The following MCC variants were observed in gnomAD, a reference collection of about 807,000 sequenced individuals.
MCC encodes the protein colorectal mutant cancer protein.
A neutral mutation model predicts 116.2 loss-of-function variants in MCC; 90 were observed. The ratio of observed to expected loss-of-function variants is 0.77; its 90% confidence interval spans 0.65 to 0.92. The LOEUF is 0.92. Ranked by LOEUF, MCC falls within the 40% of genes least tolerant of loss-of-function variation. MCC has a pLI of 0.00. For synonymous variants in MCC, 578 were observed against 510.5 expected, an observed-to-expected ratio of 1.13 and a Z score of -1.78; for missense variants, 1,516 against 1,312.2, an observed-to-expected ratio of 1.16 and a Z score of -2.40.
intron 1 of MCC, among the ~76,000 whole-genome samples, chr5:113,425,769 G>A (rs965005607): frequency 5.3e-5 from 8 of 151,982 alleles, no homozygotes; most frequent in Non-Finnish European, 1.0e-4. Flanking sequence ...GTGGACAGAC[G>A]AGTGTTGTTT....
chr5:113,028,244 CATA>C (rs1452566698), intron 18 of MCC, among the ~76,000 whole-genome samples: 1 of 152,196 alleles, frequency 6.6e-6, no homozygotes, highest in Non-Finnish European at 1.5e-5. Context: ...TATACATCCA[CATA>C]ATGTTGACTA....
chr5:113,196,912 C>G (rs1395361427), intron 3 of MCC, among the ~76,000 whole-genome samples: 1 of 152,168 alleles, frequency 6.6e-6, no homozygotes, highest in African/African-American at 2.4e-5. Context: ...GCCCTGTGAT[C>G]TGGAACCTCC....
intron 6 of MCC, among the ~76,000 whole-genome samples, chr5:113,114,418 C>G (rs1327992761): frequency 6.6e-6 from 1 of 152,150 alleles, no homozygotes; most frequent in Non-Finnish European, 1.5e-5. Context: ...TACACAGGCA[C>G]AAGTTGACAG....
chr5:113,224,346 G>A (rs1763658507), intron 3 of MCC, among the ~76,000 whole-genome samples: 1 of 152,216 alleles, frequency 6.6e-6, no homozygotes, highest in South Asian at 2.1e-4. Flanking sequence ...GCCCGTCTCG[G>A]CCTCCCAAAG....
At position 113,152,715 on chromosome 5, in the gene MCC, C is replaced by A. The variant is rs558204389; in HGVS notation, c.628-1293G>T. 6.2e-4 allele frequency among the ~76,000 whole-genome samples: 95 copies of A among 152,220 alleles called. 1 individual carries two copies. Among genetic ancestry groups the A allele is most frequent in the Non-Finnish European group, 1.1e-3 (75 of 68,020 alleles). On this transcript the variant is annotated intron_variant, in intron 3 of 18. Coordinates refer to ENST00000408903, the MANE Select transcript of MCC (RefSeq NM_001085377.2). ...GAGTGAGGGAGAAGCAGATATAAGG[C>A]AGAGTGTGGGGTTTCAAAGCAGTTG...
intron 2 of MCC, among the ~76,000 whole-genome samples, chr5:113,375,317 T>G (rs1321401139): frequency 6.6e-6 from 1 of 152,210 alleles, no homozygotes; most frequent in African/African-American, 2.4e-5. Context: ...ACTTGTTTGC[T>G]TCACACATTT....
intron 17 of MCC, among the ~76,000 whole-genome samples, chr5:113,042,601 G>A (rs1359516631): frequency 2.0e-5 from 3 of 150,742 alleles, no homozygotes; most frequent in Non-Finnish European, 1.5e-5. Flanking sequence ...ACATCACAAT[G>A]AACCTAACTA....
intron 11 of MCC, 144 bp from the exon 12 acceptor site, chr5:113,071,378 A>C: frequency 1.2e-6 from 1 of 819,132 alleles, no homozygotes; most frequent in Non-Finnish European, 2.0e-6. Flanking sequence ...TTTGTCAAAG[A>C]AGCAACTCTA....
At chr5:113,234,316 T>C (rs1581290428) in intron 3 of MCC, 1 of 152,276 alleles carries the variant, frequency 6.6e-6, no homozygotes, top group East Asian at 1.9e-4. Flanking sequence ...TTCACATTAC[T>C]ATAAGTCTTA....
chr5:113,257,647 C>T (rs915173030), intron 3 of MCC, among the ~76,000 whole-genome samples: 8 of 152,074 alleles, frequency 5.3e-5, no homozygotes, highest in African/African-American at 1.9e-4. Context: ...AATAAATAAG[C>T]TACGGATAAG....
chr5:113,079,703 C>T (rs551261474), intron 11 of MCC, among the ~76,000 whole-genome samples: 1 of 152,252 alleles, frequency 6.6e-6, no homozygotes, highest in South Asian at 2.1e-4. Context: ...ACCGTAAAAC[C>T]TCTAGAAGAA....
intron 1 of MCC, among the ~76,000 whole-genome samples, chr5:113,442,647 C>A (rs2150416209): frequency 6.6e-6 from 1 of 152,306 alleles, no homozygotes; most frequent in South Asian, 2.1e-4. Flanking sequence ...ACATTTAGGT[C>A]TTTAATCCAT....
chr5:113,099,116 T>C (rs2150253062), intron 8 of MCC, among the ~76,000 whole-genome samples: 1 of 61,056 alleles, frequency 1.6e-5, no homozygotes, highest in South Asian at 4.0e-4. Context: ...TAGTACACTT[T>C]TTGAGATCTA....
At chr5:113,077,004 A>C (rs941462103) in intron 11 of MCC, among the ~76,000 whole-genome samples, 19 of 152,234 alleles carry the variant, frequency 1.2e-4, no homozygotes, top group Non-Finnish European at 2.1e-4. Flanking sequence ...AGGGGTTGCA[A>C]TCCTAGTCTC....
intron 3 of MCC, among the ~76,000 whole-genome samples, chr5:113,254,978 A>T (rs1764952439): frequency 6.6e-6 from 1 of 152,200 alleles, no homozygotes; most frequent in Admixed American, 6.5e-5. Context: ...CAGCCTGACC[A>T]ACATGGTGAA....
At chr5:113,260,316 G>T (rs752144681) in intron 3 of MCC, among the ~76,000 whole-genome samples, 1 of 152,010 alleles carries the variant, frequency 6.6e-6, no homozygotes, top group African/African-American at 2.4e-5. Context: ...TTTTCCAAAA[G>T]AAAATTTACT....
intron 3 of MCC, among the ~76,000 whole-genome samples, chr5:113,333,121 A>G (rs1035744055): frequency 1.3e-5 from 2 of 151,730 alleles, no homozygotes; most frequent in Admixed American, 6.6e-5. Context: ...GTGAAACACA[A>G]GAAGCTGATC....
At chr5:113,362,038 G>A (rs1285224942) in intron 2 of MCC, among the ~76,000 whole-genome samples, 1 of 152,172 alleles carries the variant, frequency 6.6e-6, no homozygotes, top group Admixed American at 6.5e-5. Context: ...ATGAACACAT[G>A]AGCCAATTCT....
intron 1 of MCC, among the ~76,000 whole-genome samples, chr5:113,470,854 T>C (rs182212498): frequency 6.6e-6 from 1 of 150,910 alleles, no homozygotes; most frequent in African/African-American, 2.5e-5. Flanking sequence ...CATAGTCCCA[T>C]ATTTCTTGGA....
Sources: allele counts gnomAD v4.1 joint callset (sites outside exome capture counted in the v4.1 genomes callset), GRCh38; gene constraint gnomAD v4.1.1; transcripts MANE v1.5; gene names NCBI Gene and HGNC (gene_info 2026-07-23, HGNC 2026-07-21).